NOL9: variants seen among roughly 807,000 people sequenced by gnomAD.
The protein encoded by NOL9 is polynucleotide 5'-hydroxyl-kinase NOL9.
NOL9 carries 28 observed loss-of-function variants against 67.9 expected under a neutral mutation model. The observed-to-expected ratio is 0.41, with a 90% CI of 0.31 to 0.57. The LOEUF (loss-of-function observed/expected upper bound fraction) is 0.57, where lower values mean the gene tolerates loss of function less well. NOL9 is among the 20% of genes least tolerant of loss of function. The pLI is 0.25. For missense variants in NOL9, 777 were observed against 897.0 expected, an observed-to-expected ratio of 0.87 and a Z score of 1.71; for synonymous variants, 356 against 352.2, an observed-to-expected ratio of 1.01 and a Z score of -0.12.
chr1:6,531,295 C>T (rs1639022250), intron 9 of NOL9, among the ~76,000 whole-genome samples: 1 of 151,998 alleles, frequency 6.6e-6, no homozygotes, highest in Admixed American at 6.6e-5. Context: ...ATCACTGCAA[C>T]CTCCGCCTCC....
rs925695900 is a variant in NOL9, at chr1:6,531,836, CTG to C, written c.1647+130_1647+131del. 69 of 717,954 alleles carry C rather than the reference CTG, an allele frequency of 9.6e-5. 1 individual carries two copies. Among genetic ancestry groups the C allele is most frequent in the Middle Eastern group, 7.8e-4 (2 of 2,562 alleles). 44.5% of individuals were successfully genotyped at this position (717,954 alleles called of 1,614,324 possible). A position where few individuals can be genotyped will look rare whatever the true frequency, so the allele number is the denominator to read the frequency against. ...TGTAAAGTGGGAATAACGACACAAG[CTG>C]TGTCACTGGGATGTTCTGAGGATTA... is the stretch of plus-strand genomic sequence containing the variant. On this transcript the variant is annotated intron_variant, in intron 9 of 11. Transcript: ENST00000377705.
In NOL9 at chr1:6,521,370, T is replaced by G. The variant is rs1638767355; in HGVS notation, c.*4484A>C. The G allele has an allele frequency of 1.3e-5, 2 of 152,192 alleles. No individual in the cohort carries two copies. The highest frequency in any genetic ancestry group is 1.3e-4 in the Admixed American group (2 of 15,276). 9.4% of individuals were successfully genotyped at this position (152,192 alleles called of 1,614,324 possible). A position where few individuals can be genotyped will look rare whatever the true frequency, so the allele number is the denominator to read the frequency against. ...AATTCATGTTTTCAAAAATATTTAA[T>G]GATACAAAAGTTCATCTGTTAACTG... On this transcript the variant is annotated 3_prime_UTR_variant, in exon 12 of 12. Transcript: ENST00000377705.
intron 8 of NOL9, 100 bp from the exon 9 acceptor site, chr1:6,532,179 C>CTTTCT: frequency 1.1e-6 from 1 of 913,804 alleles, no homozygotes. Flanking sequence ...GAGTACTGGG[C>CTTTCT]TTTCCAACAC....
In NOL9 at chr1:6,533,302, G is replaced by T. The variant is rs761981069; in HGVS notation, c.1215C>A (p.Val405=). 8 of 1,606,286 alleles carry T rather than the reference G, an allele frequency of 5.0e-6. No individual in the cohort carries two copies. Among genetic ancestry groups the T allele is most frequent in the Admixed American group, 1.7e-5 (1 of 59,190 alleles). ...SAYKRESPLI[V]NTMGWVSDQG... The stretch of plus-strand genomic sequence containing the variant: ...TACCTGAAACCCATCCCATAGTGTT[G>T]ACGATGAGAGGGGACTCTCTCTTGT... The change falls in exon 7 of 12, where the codon GTC becomes GTA. Residue 405 remains valine, a synonymous_variant. Coordinates refer to ENST00000377705, the MANE Select transcript of NOL9 (RefSeq NM_024654.5).
intron 1 of NOL9, among the ~76,000 whole-genome samples, chr1:6,550,890 T>G (rs1232277434): frequency 2.6e-5 from 4 of 151,948 alleles, no homozygotes; most frequent in African/African-American, 4.8e-5. Context: ...TCCATGTTGG[T>G]CAGGCTGGTC....
intron 5 of NOL9, among the ~76,000 whole-genome samples, chr1:6,542,483 A>T (rs1170418445): frequency 7.1e-6 from 1 of 140,690 alleles, no homozygotes; most frequent in Non-Finnish European, 1.5e-5. Context: ...TTTGAGATGG[A>T]GTCCTGCTCT....
At position 6,550,761 on chromosome 1, in the gene NOL9, G is replaced by A. The variant is rs184352904; in HGVS notation, c.397-146C>T. ...TACAATGGCACAATCTCGGCTCACCGCAACCTCCACCTCCCAGGTTCAAGC... is the reference window on the plus strand; with the variant it reads ...TACAATGGCACAATCTCGGCTCACCACAACCTCCACCTCCCAGGTTCAAGC... On this transcript the variant is annotated intron_variant, in intron 1 of 11. Transcript: ENST00000377705. 9.3e-4 allele frequency: 551 copies of A among 592,016 alleles called. 1 individual carries two copies. Among genetic ancestry groups the A allele is most frequent in the Non-Finnish European group, 1.2e-3 (427 of 349,260 alleles). 36.7% of individuals were successfully genotyped at this position (592,016 alleles called of 1,614,324 possible).
At chr1:6,549,511 T>C in intron 3 of NOL9, 60 bp downstream of exon 3, 1 of 1,593,406 alleles carries the variant, frequency 6.3e-7, no homozygotes, top group Non-Finnish European at 8.6e-7. Context: ...TACATAGTCA[T>C]TTGAAATCAC....
chr1:6,537,990 TCAAA>T (rs1557787507), intron 6 of NOL9, among the ~76,000 whole-genome samples: 1 of 6,044 alleles, frequency 1.7e-4, no homozygotes, highest in African/African-American at 6.8e-4. Flanking sequence ...AGACTCCATC[TCAAA>T]AAAAAAAAAA....
chr1:6,526,626 C>T, intron 11 of NOL9, 70 bp downstream of exon 11: 1 of 1,478,908 alleles, frequency 6.8e-7, no homozygotes. Context: ...ACCCCTGACC[C>T]TACTTCAGCT....
At chr1:6,531,610 T>C (rs1639029876) in intron 9 of NOL9, among the ~76,000 whole-genome samples, 1 of 152,134 alleles carries the variant, frequency 6.6e-6, no homozygotes, top group South Asian at 2.1e-4. Context: ...GTAGCACCCC[T>C]GCTCTACAGC....
At chr1:6,543,999 G>A (rs1244993483) in intron 5 of NOL9, among the ~76,000 whole-genome samples, 1 of 152,214 alleles carries the variant, frequency 6.6e-6, no homozygotes, top group Admixed American at 6.5e-5. Context: ...GGTGGCGCAC[G>A]CCTGTAATCC....
intron 5 of NOL9, among the ~76,000 whole-genome samples, chr1:6,542,465 A>T (rs1194673468): frequency 6.8e-6 from 1 of 146,940 alleles, no homozygotes; most frequent in Non-Finnish European, 1.5e-5. Context: ...GCCCAGCTGA[A>T]TTTTTTTTTT....
chr1:6,541,457 C>T (rs1180863590), intron 6 of NOL9, among the ~76,000 whole-genome samples: 1 of 152,192 alleles, frequency 6.6e-6, no homozygotes, highest in Non-Finnish European at 1.5e-5. Context: ...GCTGGGATTA[C>T]AAGTGTGAGC....
rs1639499625 is a variant in NOL9 at position 6,549,673 on chromosome 1, A to C, written c.642T>G (p.Asn214Lys). The change falls in exon 3 of 12, where the codon AAT becomes AAG. Residue 214 changes from asparagine (N) to lysine (K), a missense_variant. Physicochemically the swap from Asn to Lys is moderately conservative, Grantham distance 94. This residue lies in a region of NOL9 where 364 missense variants were observed against 344.4 expected (regional missense o/e 1.06). Coordinates refer to ENST00000377705, the MANE Select transcript of NOL9 (RefSeq NM_024654.5). ...NLDDRRWSMQ[N>K]FSPQCSIVLL... ...ACACAATGGAACACTGAGGAGAAAA[A>C]TTCTGCATCGACCAACGCCTGTCAT... is the stretch of plus-strand genomic sequence containing the variant. 1.9e-6 allele frequency: 3 copies of C among 1,614,030 alleles called. No individual in the cohort carries two copies. Among genetic ancestry groups the C allele is most frequent in the Non-Finnish European group, 2.5e-6 (3 of 1,180,024 alleles).
chr1:6,544,676 G>A (rs1001638926), intron 5 of NOL9, 150 bp downstream of exon 5: 13 of 728,138 alleles, frequency 1.8e-5, no homozygotes, highest in South Asian at 3.5e-5. Flanking sequence ...CAAAGCAGAC[G>A]GCAGTGAGGA....
chr1:6,537,067 G>A (rs1639171921), intron 6 of NOL9, among the ~76,000 whole-genome samples: 1 of 152,020 alleles, frequency 6.6e-6, no homozygotes, highest in Non-Finnish European at 1.5e-5. Flanking sequence ...CAATGGAACA[G>A]CATAGAAAGC....
At chr1:6,526,530 C>T (rs970329045) in intron 11 of NOL9, among the ~76,000 whole-genome samples, 166 bp downstream of exon 11, 5 of 152,220 alleles carry the variant, frequency 3.3e-5, no homozygotes, top group African/African-American at 4.8e-5. Context: ...TTCATAGTCT[C>T]AGGCCTTGGA....
rs371155768 is a variant in NOL9, at chr1:6,532,694, C to A, written c.1304G>T (p.Arg435Leu). ...TGGCATATATTTACTGTGGTCAGAG[C>A]GGAACTGAACCACGTGGCTGGGAGA... ...LLSPSHVVQF[R>L]SDHSKYMPDL... Residue 435 changes from arginine (R) to leucine (L), a missense_variant, in exon 8 of 12, where the codon CGC becomes CTC. By Grantham distance (102) the Arg-to-Leu change is moderately radical. Around this residue, in one of 2 missense-constraint regions of NOL9, gnomAD observed 413 missense variants for 552.6 expected, o/e 0.75. Transcript: ENST00000377705. 13 of 1,614,100 alleles carry A rather than the reference C, an allele frequency of 8.1e-6. No individual in the cohort carries two copies. The highest frequency in any genetic ancestry group is 1.1e-5 in the South Asian group (1 of 91,070).
Sources: allele counts gnomAD v4.1 joint callset (sites outside exome capture counted in the v4.1 genomes callset), GRCh38; gene constraint gnomAD v4.1.1; regional missense constraint gnomAD v4.1.1; transcripts MANE v1.5; gene names NCBI Gene and HGNC (gene_info 2026-07-23, HGNC 2026-07-21).